Variants in ADGRV1 observed in about 807,000 individuals in gnomAD.
ADGRV1 encodes the protein adhesion G protein-coupled receptor V1, also known as G-protein coupled receptor 98.
In ADGRV1, 359 loss-of-function variants were observed where a neutral mutation model predicts 596.2. The observed-to-expected ratio is 0.60, with a 90% CI of 0.55 to 0.66. ADGRV1 has a LOEUF of 0.66. Among genes scored for constraint, ADGRV1 ranks in the 30% least tolerant of loss-of-function variants. ADGRV1 has a pLI of 0.00. For missense variants in ADGRV1, 7,274 were observed against 7,575.6 expected (o/e 0.96, Z 1.48); for synonymous variants, 2,681 against 2,679.2 (o/e 1.00, Z -0.02).
rs1390679637 is a variant in ADGRV1, at chr5:90,720,210, G to A, written c.9610G>A (p.Ala3204Thr). 6.5e-7 allele frequency: 1 copy of A among 1,549,298 alleles called. No individual in the cohort carries two copies. Among genetic ancestry groups the A allele is most frequent in the Non-Finnish European group, 8.7e-7 (1 of 1,147,398 alleles). Reference protein sequence around the residue: ...QAPLGLFSISAVENRATSIDI... With the variant: ...QAPLGLFSISTVENRATSIDI... The stretch of plus-strand genomic sequence containing the variant: ...CCCTTTGGGGCTATTCAGTATCTCT[G>A]CAGTTGAAAATAGGTATAGTTTATT... Residue 3204 changes from alanine to threonine, a missense_variant, in exon 44 of 90, where the codon GCA becomes ACA. Coordinates refer to ENST00000405460, the MANE Select transcript of ADGRV1 (RefSeq NM_032119.4).
intron 1 of ADGRV1, among the ~76,000 whole-genome samples, chr5:90,570,302 C>A (rs1214418993): frequency 6.6e-6 from 1 of 152,142 alleles, no homozygotes; most frequent in Non-Finnish European, 1.5e-5. Context: ...AGATATTAAT[C>A]AGGATATCAC....
At chr5:90,853,597 T>C in intron 80 of ADGRV1, 64 bp downstream of exon 80, 2 of 1,474,782 alleles carry the variant, frequency 1.4e-6, no homozygotes, top group Non-Finnish European at 9.2e-7. Context: ...CAGGCACACT[T>C]GGAATGCATT....
At chr5:91,024,655 A>G (rs1437304254) in intron 85 of ADGRV1, among the ~76,000 whole-genome samples, 1 of 152,132 alleles carries the variant, frequency 6.6e-6, no homozygotes, top group Admixed American at 6.5e-5. Context: ...TTTTTTTGTT[A>G]TTAAAAAAAA....
At chr5:91,102,716 G>A (rs1241223920) in intron 87 of ADGRV1, among the ~76,000 whole-genome samples, 1 of 152,206 alleles carries the variant, frequency 6.6e-6, no homozygotes, top group Non-Finnish European at 1.5e-5. Flanking sequence ...ATCAATTGAG[G>A]AGTGAAATAG....
At chr5:91,081,382 A>G (rs1789361600) in intron 86 of ADGRV1, among the ~76,000 whole-genome samples, 1 of 152,144 alleles carries the variant, frequency 6.6e-6, no homozygotes, top group Admixed American at 6.6e-5. Context: ...TGAGACCAAT[A>G]TTGTTCAATT....
chr5:90,751,409 T>G (rs1561656787), intron 53 of ADGRV1, among the ~76,000 whole-genome samples: 2 of 152,136 alleles, frequency 1.3e-5, no homozygotes, highest in African/African-American at 4.8e-5. Context: ...GAAAGGGTGA[T>G]TCCCAATGAG....
At chr5:91,115,314 T>C (rs892470678) in intron 87 of ADGRV1, among the ~76,000 whole-genome samples, 1 of 152,356 alleles carries the variant, frequency 6.6e-6, no homozygotes, top group South Asian at 2.1e-4. Context: ...CAACAAATTA[T>C]ATCTAATAAT....
intron 22 of ADGRV1, among the ~76,000 whole-genome samples, chr5:90,673,740 T>C (rs1772831093): frequency 6.6e-6 from 1 of 152,088 alleles, no homozygotes. Context: ...GAAAACCCCA[T>C]CTTTTAATAC....
At chr5:90,738,721 T>C (rs1753572396) in intron 50 of ADGRV1, among the ~76,000 whole-genome samples, 1 of 152,184 alleles carries the variant, frequency 6.6e-6, no homozygotes, top group Non-Finnish European at 1.5e-5. Context: ...ATTCTCTATC[T>C]CTTGCTGCTT....
At position 90,647,626 on chromosome 5, in the gene ADGRV1, G is replaced by C; in HGVS notation, c.3151G>C (p.Asp1051His). 6.2e-7 allele frequency: 1 copy of C among 1,613,962 alleles called. No homozygotes were observed. The highest frequency in any genetic ancestry group is 8.5e-7 in the Non-Finnish European group (1 of 1,179,880). ...KDGKATARER[D>H]FIPVEKGETL... ...TGGGAAGGCTACTGCAAGAGAGAGA[G>C]ATTTCATTCCTGTTGAAAAAGGAGA... is the stretch of plus-strand genomic sequence containing the variant. Residue 1051 changes from aspartate to histidine, a missense_variant, in exon 17 of 90, where the codon GAT becomes CAT. Physicochemically the swap from Asp to His is moderately conservative, Grantham distance 81. This residue lies in a region of ADGRV1 where 1,715 missense variants were observed against 1,708.8 expected (regional missense o/e 1.00). Coordinates refer to ENST00000405460, the MANE Select transcript of ADGRV1 (RefSeq NM_032119.4).
At chr5:90,826,502 C>T (rs1364717940) in intron 76 of ADGRV1, among the ~76,000 whole-genome samples, 1 of 152,110 alleles carries the variant, frequency 6.6e-6, no homozygotes. Flanking sequence ...CCTTCCTGAG[C>T]CTCCCAGGTT....
intron 45 of ADGRV1, among the ~76,000 whole-genome samples, 168 bp downstream of exon 45, chr5:90,721,227 ATGTGT>A (rs1386163498): frequency 6.6e-6 from 1 of 152,116 alleles, no homozygotes; most frequent in Admixed American, 6.6e-5. Flanking sequence ...CTGGGCGCTC[ATGTGT>A]TGAGGCTCAT....
intron 73 of ADGRV1, among the ~76,000 whole-genome samples, chr5:90,808,231 G>A (rs998614460): frequency 7.2e-5 from 11 of 152,006 alleles, no homozygotes; most frequent in Admixed American, 2.0e-4. Flanking sequence ...AGATAAATAC[G>A]TACCAGCCAA....
intron 1 of ADGRV1, among the ~76,000 whole-genome samples, chr5:90,605,401 G>A (rs1441489716): frequency 4.8e-5 from 7 of 147,318 alleles, no homozygotes; most frequent in South Asian, 2.1e-4. Context: ...GTGATAGAGC[G>A]AGACTACGTC....
At chr5:90,608,944 A>G (rs1224245994) in intron 1 of ADGRV1, among the ~76,000 whole-genome samples, 1 of 152,130 alleles carries the variant, frequency 6.6e-6, no homozygotes, top group East Asian at 1.9e-4. Context: ...GGGTGTAGTG[A>G]AAGTCAATGG....
At chr5:91,099,267 CAA>C (rs55931707) in intron 86 of ADGRV1, among the ~76,000 whole-genome samples, 4 of 142,558 alleles carry the variant, frequency 2.8e-5, no homozygotes, top group Non-Finnish European at 3.1e-5. Context: ...ATTTCTCTCT[CAA>C]AAAAAAAAAA....
chr5:91,028,732 G>GGTT (rs1562111339), intron 85 of ADGRV1, among the ~76,000 whole-genome samples: 1 of 95,912 alleles, frequency 1.0e-5, no homozygotes, highest in Non-Finnish European at 1.9e-5. Flanking sequence ...ACTAGACTCT[G>GGTT]TTTTTTTTTT....
chr5:90,674,985 A>T (rs978651878), intron 23 of ADGRV1, among the ~76,000 whole-genome samples: 6 of 152,224 alleles, frequency 3.9e-5, no homozygotes, highest in African/African-American at 1.4e-4. Flanking sequence ...CCTGCTATTG[A>T]TGCTGCTGTG....
At position 90,810,763 on chromosome 5, in the gene ADGRV1, C is replaced by A; in HGVS notation, c.15503C>A (p.Thr5168Asn). 6.2e-7 allele frequency: 1 copy of A among 1,613,942 alleles called. No individual in the cohort carries two copies. Among genetic ancestry groups the A allele is most frequent in the Non-Finnish European group, 8.5e-7 (1 of 1,179,874 alleles). Reference protein sequence around the residue: ...TTYLSTSKTTTILQPTNVVAI... With the variant: ...TTYLSTSKTTNILQPTNVVAI... Reference sequence around the variant, plus strand: ...TACCTCAGCACAAGCAAGACGACTACCATTCTGCAGCCAACCAACGTGGTT... The same window carrying A: ...TACCTCAGCACAAGCAAGACGACTAACATTCTGCAGCCAACCAACGTGGTT... Residue 5168 changes from threonine (T) to asparagine (N), a missense_variant, in exon 74 of 90, where the codon ACC becomes AAC. Thr to Asn is a moderately conservative substitution (Grantham distance 65). Around this residue, in one of 5 missense-constraint regions of ADGRV1, gnomAD observed 1,874 missense variants for 1,970.2 expected, o/e 0.95. Coordinates refer to ENST00000405460, the MANE Select transcript of ADGRV1 (RefSeq NM_032119.4).
Sources: gnomAD v4.1 joint callset for allele counts (sites outside exome capture counted in the v4.1 genomes callset) on GRCh38, gnomAD v4.1.1 for gene constraint, gnomAD v4.1.1 regional missense constraint, MANE v1.5 for transcripts, NCBI Gene and HGNC (gene_info 2026-07-23, HGNC 2026-07-21) for gene names.